Variants in IGF2BP2 observed in about 807,000 individuals in gnomAD.
IGF2BP2 encodes the protein insulin-like growth factor 2 mRNA-binding protein 2.
A neutral mutation model predicts 75.8 loss-of-function variants in IGF2BP2; 17 were observed. The observed-to-expected ratio is 0.22, with a 90% CI of 0.15 to 0.34. The LOEUF is 0.34. Ranked by LOEUF, IGF2BP2 falls within the 10% of genes least tolerant of loss-of-function variation. The pLI is 1.00. For synonymous variants in IGF2BP2, 288 were observed against 295.6 expected, an observed-to-expected ratio of 0.97 and a Z score of 0.26; for missense variants, 516 against 772.4, an observed-to-expected ratio of 0.67 and a Z score of 3.93.
At position 185,689,924 on chromosome 3, in the gene IGF2BP2, T is replaced by C. The variant is rs35544891; in HGVS notation, c.405-297A>G. Among the ~76,000 whole-genome samples, 518 of 143,722 alleles carry C rather than the reference T, an allele frequency of 3.6e-3. 2 individuals are homozygous for C. The highest frequency in any genetic ancestry group is 0.012 in the African/African-American group (462 of 38,236). The allele number at this position is 143,722 out of a possible 152,430, so 94.3% of individuals were successfully genotyped here. ...CGGAGCTTGCAGTGAGCCGAGATCC[T>C]GCCACTGCACTCCAGCCTGGGCGAC... On this transcript the variant is annotated intron_variant, in intron 5 of 15. Transcript: ENST00000382199.
chr3:185,663,571 G>C (rs1716817823), intron 10 of IGF2BP2, among the ~76,000 whole-genome samples: 2 of 152,130 alleles, frequency 1.3e-5, no homozygotes, highest in South Asian at 4.1e-4. Flanking sequence ...GCTGCGATGT[G>C]TGACCATCTG....
At chr3:185,751,112 C>G (rs1033981921) in intron 2 of IGF2BP2, among the ~76,000 whole-genome samples, 3 of 152,096 alleles carry the variant, frequency 2.0e-5, no homozygotes, top group Admixed American at 2.0e-4. Flanking sequence ...ACTAGGGAGG[C>G]CAAGGCACAA....
intron 2 of IGF2BP2, among the ~76,000 whole-genome samples, chr3:185,732,653 A>G (rs1451834049): frequency 6.6e-6 from 1 of 152,186 alleles, no homozygotes; most frequent in East Asian, 1.9e-4. Context: ...AATCAAAACA[A>G]TGCTTTTAAG....
intron 12 of IGF2BP2, among the ~76,000 whole-genome samples, chr3:185,654,455 C>T (rs1364293710): frequency 3.9e-5 from 6 of 152,208 alleles, no homozygotes; most frequent in Non-Finnish European, 2.9e-5. Context: ...ACCACCCAAA[C>T]CGAGAAGGGC....
intron 2 of IGF2BP2, among the ~76,000 whole-genome samples, chr3:185,822,785 T>C (rs1427543280): frequency 6.6e-6 from 1 of 151,042 alleles, no homozygotes; most frequent in African/African-American, 2.4e-5. Flanking sequence ...AGTAAATATT[T>C]ACTCTTCACA....
At chr3:185,753,528 C>A (rs772192719) in intron 2 of IGF2BP2, among the ~76,000 whole-genome samples, 4 of 152,132 alleles carry the variant, frequency 2.6e-5, no homozygotes, top group Non-Finnish European at 4.4e-5. Context: ...CTGTGTCACA[C>A]GAAGATAAGG....
chr3:185,716,694 G>A (rs1725683705), intron 2 of IGF2BP2: 1 of 519,982 alleles, frequency 1.9e-6, no homozygotes, highest in Admixed American at 1.9e-5. Flanking sequence ...ATTTACTCAG[G>A]GCCATGGTGG....
intron 2 of IGF2BP2, among the ~76,000 whole-genome samples, chr3:185,701,462 T>C (rs1171184299): frequency 6.6e-6 from 1 of 152,112 alleles, no homozygotes; most frequent in Non-Finnish European, 1.5e-5. Flanking sequence ...ATCTTATTTC[T>C]TATTCTTGAA....
chr3:185,670,504 G>GC (rs1248090467), intron 10 of IGF2BP2, among the ~76,000 whole-genome samples: 1 of 152,144 alleles, frequency 6.6e-6, no homozygotes, highest in Non-Finnish European at 1.5e-5. Context: ...AAAATAAATG[G>GC]TGAGCTAGAT....
At chr3:185,700,132 C>T (rs1407184622) in intron 2 of IGF2BP2, among the ~76,000 whole-genome samples, 2 of 151,990 alleles carry the variant, frequency 1.3e-5, no homozygotes, top group East Asian at 1.9e-4. Flanking sequence ...TACACAGTCA[C>T]ATGTTTCTCC....
intron 13 of IGF2BP2, 87 bp downstream of exon 13, chr3:185,652,007 G>T: frequency 1.0e-6 from 1 of 1,001,456 alleles, no homozygotes. Flanking sequence ...TGGAGGCTGG[G>T]CCTCCAAAGA....
intron 13 of IGF2BP2, among the ~76,000 whole-genome samples, chr3:185,651,865 C>T (rs951017507): frequency 2.6e-5 from 4 of 152,168 alleles, no homozygotes; most frequent in Non-Finnish European, 5.9e-5. Context: ...TCGAACTGGG[C>T]ACCAACAGAT....
In IGF2BP2 at chr3:185,824,843, A is replaced by T; in HGVS notation, c.118T>A (p.Tyr40Asn). The T allele has an allele frequency of 6.5e-7, 1 of 1,544,706 alleles. No homozygotes were observed. The highest frequency in any genetic ancestry group is 8.7e-7 in the Non-Finnish European group (1 of 1,144,348). ...LAGQVLLKSG[Y>N]AFVDYPDQNW... ...TGGTCGGGGTAGTCCACGAAGGCGT[A>T]GCCGGACTTCAGCAGGACCTGTCCC... The change falls in exon 1 of 16, where the codon TAC becomes AAC. Residue 40 changes from tyrosine to asparagine, a missense_variant. Tyr to Asn is a moderately radical substitution (Grantham distance 143). Around this residue, in one of 3 missense-constraint regions of IGF2BP2, gnomAD observed 312 missense variants for 474.5 expected, o/e 0.66. Transcript: ENST00000382199.
At chr3:185,793,465 G>A (rs937680375) in intron 2 of IGF2BP2, among the ~76,000 whole-genome samples, 21 of 152,128 alleles carry the variant, frequency 1.4e-4, no homozygotes, top group African/African-American at 4.8e-4. Context: ...TGACCACAAT[G>A]GCACTGTGCG....
At chr3:185,807,530 GC>G (rs1020009727) in intron 2 of IGF2BP2, among the ~76,000 whole-genome samples, 5 of 152,192 alleles carry the variant, frequency 3.3e-5, no homozygotes, top group African/African-American at 1.2e-4. Context: ...TTCAGTATAT[GC>G]CCCAAATTAA....
chr3:185,772,770 C>T (rs1382253241), intron 2 of IGF2BP2, among the ~76,000 whole-genome samples: 7 of 151,946 alleles, frequency 4.6e-5, no homozygotes, highest in Admixed American at 2.6e-4. Flanking sequence ...TTAGTACAGA[C>T]GGGGTTTCAC....
chr3:185,808,637 G>A (rs1056490086), intron 2 of IGF2BP2, among the ~76,000 whole-genome samples: 8 of 151,300 alleles, frequency 5.3e-5, no homozygotes, highest in African/African-American at 1.7e-4. Context: ...TCAGCTCACT[G>A]CAATCTCTGC....
chr3:185,809,118 TTTC>T (rs1318197061), intron 2 of IGF2BP2, among the ~76,000 whole-genome samples: 1 of 151,700 alleles, frequency 6.6e-6, no homozygotes, highest in Non-Finnish European at 1.5e-5. Context: ...TTTTCTTTTC[TTTC>T]TTTTTTTTTT....
chr3:185,739,208 T>C (rs1729224520), intron 2 of IGF2BP2, among the ~76,000 whole-genome samples: 1 of 152,088 alleles, frequency 6.6e-6, no homozygotes, highest in African/African-American at 2.4e-5. Flanking sequence ...GAAACGGCCA[T>C]TGCAACTGTA....
Sources: allele counts gnomAD v4.1 joint callset (sites outside exome capture counted in the v4.1 genomes callset), GRCh38; gene constraint gnomAD v4.1.1; regional missense constraint gnomAD v4.1.1; transcripts MANE v1.5; gene names NCBI Gene and HGNC (gene_info 2026-07-23, HGNC 2026-07-21).